The following ARHGAP44 variants were observed in gnomAD, a reference collection of about 807,000 sequenced individuals.
ARHGAP44 encodes the protein rho GTPase-activating protein 44.
A neutral mutation model predicts 106.8 loss-of-function variants in ARHGAP44; 43 were observed. The observed-to-expected ratio is 0.40, with a 90% CI of 0.32 to 0.52. ARHGAP44 has a LOEUF of 0.52. ARHGAP44 is among the 20% of genes least tolerant of loss of function. The pLI, the probability that ARHGAP44 is intolerant of heterozygous loss-of-function variation, is 0.48. For missense variants in ARHGAP44, 866 were observed against 1,050.5 expected (o/e 0.82, Z 2.43); for synonymous variants, 439 against 410.3 (o/e 1.07, Z -0.85).
At chr17:12,831,716 A>C (rs1056687654) in intron 1 of ARHGAP44, among the ~76,000 whole-genome samples, 2 of 152,178 alleles carry the variant, frequency 1.3e-5, no homozygotes, top group Non-Finnish European at 2.9e-5. Flanking sequence ...GGAGATGTAT[A>C]TGCATCTCAC....
chr17:12,866,844 CT>C (rs1181762990), intron 1 of ARHGAP44, among the ~76,000 whole-genome samples: 1 of 152,112 alleles, frequency 6.6e-6, no homozygotes, highest in Non-Finnish European at 1.5e-5. Flanking sequence ...TTGGTGCTGA[CT>C]TTTCATCTTC....
In ARHGAP44 at chr17:12,896,450, C is replaced by T. The variant is rs776234269; in HGVS notation, c.137C>T (p.Thr46Met). The T allele has an allele frequency of 1.3e-5, 21 of 1,609,666 alleles. No homozygotes were observed. Among genetic ancestry groups the T allele is most frequent in the South Asian group, 8.9e-5 (8 of 89,724 alleles). The stretch of plus-strand genomic sequence containing the variant: ...CTGGTGAAACAGGTGTCCCACAGCA[C>T]GCACAAGAAGCTCACCGCATGTCTG... ...LELVKQVSHS[T>M]HKKLTACLQG... Residue 46 changes from threonine (T) to methionine (M), a missense_variant, in exon 3 of 21, where the codon ACG becomes ATG. Transcript: ENST00000379672.
Position 12,990,306 on chromosome 17 carries a change from T to C in ARHGAP44, c.*135T>C. On this transcript the variant is annotated 3_prime_UTR_variant, in exon 21 of 21. Transcript: ENST00000379672. The stretch of plus-strand genomic sequence containing the variant: ...CCACTGCCAACACGAGGTTGGAATT[T>C]GGCAGAAAATTGTGATCTCCAGTCC... 8.0e-7 allele frequency: 1 copy of C among 1,245,352 alleles called. No individual in the cohort carries two copies. The highest frequency in any genetic ancestry group is 1.1e-6 in the Non-Finnish European group (1 of 917,142). The allele number at this position is 1,245,352 out of a possible 1,614,324, so 77.1% of individuals were successfully genotyped here. A position where few individuals can be genotyped will look rare whatever the true frequency, so the allele number is the denominator to read the frequency against.
At chr17:12,911,049 CAA>C (rs60781678) in intron 4 of ARHGAP44, among the ~76,000 whole-genome samples, 6,245 of 128,598 alleles carry the variant, frequency 0.049, 417 homozygotes, top group African/African-American at 0.16. Context: ...AAAAAGTAAC[CAA>C]AAAAAAAAAA....
chr17:12,990,885 G>C lies in ARHGAP44; in HGVS notation c.*714G>C, dbSNP rs570110888. On this transcript the variant is annotated 3_prime_UTR_variant, in exon 21 of 21. Coordinates refer to ENST00000379672, the MANE Select transcript of ARHGAP44 (RefSeq NM_014859.6). ...TAAAACAAAACAAACAAGCCTGACA[G>C]TGTCTGGAGGAGCCAAAGGTGGCCT... 6.6e-6 allele frequency: 1 copy of C among 152,454 alleles called. No individual in the cohort carries two copies. The highest frequency in any genetic ancestry group is 6.5e-5 in the Admixed American group (1 of 15,286). The allele number at this position is 152,454 out of a possible 1,614,324, so 9.4% of individuals were successfully genotyped here.
At chr17:12,797,289 TGTCA>T (rs1329380126) in intron 1 of ARHGAP44, among the ~76,000 whole-genome samples, 1 of 152,208 alleles carries the variant, frequency 6.6e-6, no homozygotes, top group Non-Finnish European at 1.5e-5. Context: ...ATCTCTAGTG[TGTCA>T]GTCATTGATT....
chr17:12,827,098 A>G (rs1041159159), intron 1 of ARHGAP44, among the ~76,000 whole-genome samples: 2 of 152,176 alleles, frequency 1.3e-5, no homozygotes, highest in African/African-American at 2.4e-5. Flanking sequence ...TTCTCAGGCC[A>G]TGACATACTA....
chr17:12,974,636 C>A (rs998234681), intron 18 of ARHGAP44, among the ~76,000 whole-genome samples: 2 of 152,098 alleles, frequency 1.3e-5, no homozygotes, highest in Non-Finnish European at 2.9e-5. Context: ...CCCCCCATAT[C>A]CGTGGGAGAT....
intron 1 of ARHGAP44, among the ~76,000 whole-genome samples, chr17:12,853,598 G>A (rs1044039856): frequency 3.9e-5 from 6 of 152,156 alleles, no homozygotes; most frequent in Admixed American, 1.3e-4. Flanking sequence ...GGAGCGAGGC[G>A]TCCTATCAGA....
chr17:12,916,560 T>G (rs1437388373), intron 5 of ARHGAP44, among the ~76,000 whole-genome samples: 1 of 152,144 alleles, frequency 6.6e-6, no homozygotes, highest in Non-Finnish European at 1.5e-5. Flanking sequence ...AATTATTATA[T>G]TTTTAGTAGA....
chr17:12,869,737 A>G (rs1355907055), intron 1 of ARHGAP44, among the ~76,000 whole-genome samples: 1 of 152,200 alleles, frequency 6.6e-6, no homozygotes, highest in Admixed American at 6.5e-5. Context: ...CAGAGAACTA[A>G]TAACACTTTG....
chr17:12,919,815 G>A lies in ARHGAP44; in HGVS notation c.448G>A (p.Asp150Asn). Residue 150 changes from aspartate to asparagine, a missense_variant, in exon 6 of 21, where the codon GAT becomes AAT. This residue lies in a region of ARHGAP44 where 448 missense variants were observed against 646.9 expected (regional missense o/e 0.69). Transcript: ENST00000379672. ...KHLAKLVLDM[D>N]SSRTRWQQTS... ...CTTAGCCAAGTTGGTGCTGGACATGGATTCCTCACGAACCAGGTAGAATCT... is the reference window on the plus strand; with the variant it reads ...CTTAGCCAAGTTGGTGCTGGACATGAATTCCTCACGAACCAGGTAGAATCT... 2 of 1,613,018 alleles carry A rather than the reference G, an allele frequency of 1.2e-6. No individual in the cohort carries two copies. The highest frequency in any genetic ancestry group is 1.7e-6 in the Non-Finnish European group (2 of 1,179,492).
At chr17:12,903,107 A>AG (rs2037425739) in intron 3 of ARHGAP44, among the ~76,000 whole-genome samples, 11 of 118,116 alleles carry the variant, frequency 9.3e-5, no homozygotes, top group African/African-American at 4.4e-4. Flanking sequence ...AGAGAGAGAG[A>AG]GAGAGAGAGA....
At position 12,846,304 on chromosome 17, in the gene ARHGAP44, C is replaced by G. The variant is rs962673878; in HGVS notation, c.54-48636C>G. On this transcript the variant is annotated intron_variant, in intron 1 of 20. Transcript: ENST00000379672. ...TGTAAATTTAAAGTATAAGCATTTC[C>G]CCAACCCTGGATCTCCCAGGCCCCC... 7.2e-5 allele frequency among the ~76,000 whole-genome samples: 11 copies of G among 152,108 alleles called. No individual in the cohort carries two copies. In the South Asian group the frequency reaches 1.2e-3, roughly 17 times the overall value.
chr17:12,918,857 G>A lies in ARHGAP44; in HGVS notation c.388-898G>A, dbSNP rs376143078. Among the ~76,000 whole-genome samples the A allele has an allele frequency of 2.0e-5, 3 of 152,276 alleles. No individual in the cohort carries two copies. In the South Asian group the frequency reaches 6.2e-4, roughly 32 times the overall value. ...GCAGGGCGGGAGTTGGGGGCAAGGTGAGGGCAGGAAAGTGGCCAGGCCTGC... is the reference window on the plus strand; with the variant it reads ...GCAGGGCGGGAGTTGGGGGCAAGGTAAGGGCAGGAAAGTGGCCAGGCCTGC... On this transcript the variant is annotated intron_variant, in intron 5 of 20. Transcript: ENST00000379672.
chr17:12,950,320 A>C (rs1413471664), intron 12 of ARHGAP44, among the ~76,000 whole-genome samples: 5 of 152,154 alleles, frequency 3.3e-5, no homozygotes, highest in Non-Finnish European at 7.3e-5. Context: ...TAATGAACTT[A>C]AAGGGAGGTC....
Position 12,958,815 on chromosome 17 carries a change from G to C in ARHGAP44, c.1441G>C (p.Asp481His). 2 of 1,607,854 alleles carry C rather than the reference G, an allele frequency of 1.2e-6. No individual in the cohort carries two copies. Among genetic ancestry groups the C allele is most frequent in the Non-Finnish European group, 1.7e-6 (2 of 1,177,336 alleles). ...SMPSPDMDPA[D>H]RRQPEQARRP... ...GCCCTCCCCAGACATGGACCCTGCT[G>C]ACCGGCGCCAGCCCGAGCAGGCCCG... is the stretch of plus-strand genomic sequence containing the variant. Residue 481 changes from aspartate (D) to histidine (H), a missense_variant, in exon 16 of 21, where the codon GAC (aspartate) becomes CAC (histidine). This residue lies in a region of ARHGAP44 where 448 missense variants were observed against 646.9 expected (regional missense o/e 0.69). Transcript: ENST00000379672. This position sits in a 1 kb window ranked among gnomAD's most constrained non-coding sequence, Gnocchi z 4.1.
intron 4 of ARHGAP44, among the ~76,000 whole-genome samples, chr17:12,909,273 T>G (rs1304102577): frequency 1.3e-5 from 2 of 152,032 alleles, no homozygotes; most frequent in African/African-American, 4.8e-5. Flanking sequence ...CTTACGAGAT[T>G]CTCAGAAAAG....
At chr17:12,886,974 TG>T (rs67788391) in intron 1 of ARHGAP44, among the ~76,000 whole-genome samples, 2,009 of 89,854 alleles carry the variant, frequency 0.022, 47 homozygotes, top group East Asian at 0.032. Context: ...GTTTTTTTTT[TG>T]TTTTTTTTTT....
Sources: gnomAD v4.1 joint callset for allele counts (sites outside exome capture counted in the v4.1 genomes callset) on GRCh38, gnomAD v4.1.1 for gene constraint, gnomAD v4.1.1 regional missense constraint, Gnocchi (gnomAD v3.1) non-coding constraint, MANE v1.5 for transcripts, NCBI Gene and HGNC (gene_info 2026-07-23, HGNC 2026-07-21) for gene names.